Variants in RAB11FIP2 observed in about 807,000 individuals in gnomAD.
RAB11FIP2 encodes the protein RAB11 family interacting protein 2.
RAB11FIP2 carries 16 observed loss-of-function variants against 40.9 expected under a neutral mutation model. That is an observed-to-expected ratio of 0.39 (90% CI 0.26 to 0.59). The LOEUF (loss-of-function observed/expected upper bound fraction) is 0.59, where lower values mean the gene tolerates loss of function less well. RAB11FIP2 is among the 20% of genes least tolerant of loss of function. The probability of loss-of-function intolerance (pLI) is 0.53; values close to 1 mark genes in which losing one functional copy is unlikely to be tolerated. For missense variants in RAB11FIP2, 532 were observed against 606.2 expected, an observed-to-expected ratio of 0.88 and a Z score of 1.28; for synonymous variants, 228 against 213.7, an observed-to-expected ratio of 1.07 and a Z score of -0.58.
intron 3 of RAB11FIP2, among the ~76,000 whole-genome samples, chr10:118,026,511 G>C (rs1846346009): frequency 6.6e-6 from 1 of 152,190 alleles, no homozygotes; most frequent in African/African-American, 2.4e-5. Context: ...AGAGACACCA[G>C]TGCCTGTGTG....
intron 4 of RAB11FIP2, among the ~76,000 whole-genome samples, chr10:118,011,449 T>C (rs1365867105): frequency 6.6e-6 from 1 of 151,956 alleles, no homozygotes; most frequent in Non-Finnish European, 1.5e-5. Flanking sequence ...TCATAATATA[T>C]AGTTTGGAGA....
At chr10:118,035,198 C>G (rs1330321946) in intron 3 of RAB11FIP2, among the ~76,000 whole-genome samples, 1 of 152,098 alleles carries the variant, frequency 6.6e-6, no homozygotes, top group East Asian at 1.9e-4. Flanking sequence ...GCAAAGCACT[C>G]ACTTTTCCTA....
In RAB11FIP2 at chr10:118,039,378, C is replaced by T; in HGVS notation, c.859G>A (p.Asp287Asn). 1 of 1,613,482 alleles carries T rather than the reference C, an allele frequency of 6.2e-7. No individual in the cohort carries two copies. Among genetic ancestry groups the T allele is most frequent in the Non-Finnish European group, 8.5e-7 (1 of 1,179,588 alleles). ...SFDTSKMNQP[D>N]SIVDEGELCF... ...AATTCACCTTCATCCACAATGCTGT[C>T]AGGTTGGTTCATTTTAGAAGTATCA... Residue 287 changes from aspartate (D) to asparagine (N), a missense_variant, in exon 3 of 5, where the codon GAC becomes AAC. Transcript: ENST00000355624.
intron 4 of RAB11FIP2, among the ~76,000 whole-genome samples, chr10:118,012,637 T>C (rs1286630260): frequency 6.6e-6 from 1 of 151,942 alleles, no homozygotes; most frequent in Non-Finnish European, 1.5e-5. Flanking sequence ...ATTATTTTTT[T>C]AGAGAGGAAA....
At chr10:118,017,099 T>C (rs1257239448) in intron 3 of RAB11FIP2, among the ~76,000 whole-genome samples, 2 of 152,186 alleles carry the variant, frequency 1.3e-5, no homozygotes, top group South Asian at 4.2e-4. Flanking sequence ...ATTTTAAAGG[T>C]AAGGAAACAA....
intron 3 of RAB11FIP2, among the ~76,000 whole-genome samples, chr10:118,037,650 T>C (rs1349568343): frequency 6.6e-6 from 1 of 152,104 alleles, no homozygotes; most frequent in African/African-American, 2.4e-5. Flanking sequence ...GTTTCAAAGA[T>C]GGAGATACTG....
At chr10:118,042,719 T>C (rs1846576807) in intron 1 of RAB11FIP2, among the ~76,000 whole-genome samples, 1 of 152,172 alleles carries the variant, frequency 6.6e-6, no homozygotes, top group South Asian at 2.1e-4. Context: ...TGTGTATGTG[T>C]TTACATTGTC....
At chr10:118,011,169 G>A (rs948881422) in intron 4 of RAB11FIP2, among the ~76,000 whole-genome samples, 4 of 152,194 alleles carry the variant, frequency 2.6e-5, no homozygotes, top group African/African-American at 9.6e-5. Context: ...GGATATTAAA[G>A]GGAAGTGAGT....
intron 3 of RAB11FIP2, among the ~76,000 whole-genome samples, chr10:118,025,052 G>A (rs549784746): frequency 1.3e-5 from 2 of 152,210 alleles, no homozygotes; most frequent in East Asian, 3.9e-4. Context: ...CATGACTGGG[G>A]GATTTTCACC....
intron 3 of RAB11FIP2, among the ~76,000 whole-genome samples, chr10:118,030,384 T>C (rs1846398205): frequency 6.6e-6 from 1 of 152,162 alleles, no homozygotes; most frequent in South Asian, 2.1e-4. Flanking sequence ...ACTTGTTCTC[T>C]TTAAGTATTG....
chr10:118,039,491 C>T, intron 2 of RAB11FIP2, 51 bp from the exon 3 acceptor site: 1 of 1,436,700 alleles, frequency 7.0e-7, no homozygotes, highest in Non-Finnish European at 9.6e-7. Flanking sequence ...TTACATCACA[C>T]TATTTGACAC....
At chr10:118,024,144 C>T (rs891279585) in intron 3 of RAB11FIP2, among the ~76,000 whole-genome samples, 1 of 148,192 alleles carries the variant, frequency 6.7e-6, no homozygotes, top group Non-Finnish European at 1.5e-5. Flanking sequence ...GACAGTCAAA[C>T]AACCCACAAA....
intron 3 of RAB11FIP2, among the ~76,000 whole-genome samples, chr10:118,016,007 A>T (rs985335817): frequency 6.6e-6 from 1 of 152,234 alleles, no homozygotes; most frequent in South Asian, 2.1e-4. Context: ...TCCTTTGAAG[A>T]TTTAAGAAAT....
intron 3 of RAB11FIP2, among the ~76,000 whole-genome samples, chr10:118,024,844 G>A (rs1846324570): frequency 6.6e-6 from 1 of 152,130 alleles, no homozygotes; most frequent in Admixed American, 6.6e-5. Flanking sequence ...GGTGTCCTCT[G>A]GTTACCAGGA....
At chr10:118,009,885 T>C (rs1205287154) in intron 4 of RAB11FIP2, among the ~76,000 whole-genome samples, 1 of 152,128 alleles carries the variant, frequency 6.6e-6, no homozygotes, top group Non-Finnish European at 1.5e-5. Context: ...CTTTCCCTTT[T>C]TGACCCTGGT....
chr10:118,036,519 T>G (rs551512711), intron 3 of RAB11FIP2, among the ~76,000 whole-genome samples: 3 of 152,262 alleles, frequency 2.0e-5, no homozygotes, highest in Non-Finnish European at 4.4e-5. Context: ...CAAATTCCAC[T>G]CAAGATAAAG....
rs1846105566 is a variant in RAB11FIP2, at chr10:118,007,414, C to A, written c.*1584G>T. ...TTTAGTTTACAAATACGAGCTTGGC[C>A]AAGTATTCTCTGATTCAAAATACTA... is the stretch of plus-strand genomic sequence containing the variant. On this transcript the variant is annotated 3_prime_UTR_variant, in exon 5 of 5. Coordinates refer to ENST00000355624, the MANE Select transcript of RAB11FIP2 (RefSeq NM_014904.3). 6.7e-6 allele frequency: 1 copy of A among 149,460 alleles called. No individual in the cohort carries two copies. The highest frequency in any genetic ancestry group is 1.5e-5 in the Non-Finnish European group (1 of 67,396). The allele number at this position is 149,460 out of a possible 1,614,324, so 9.3% of individuals were successfully genotyped here. A position where few individuals can be genotyped will look rare whatever the true frequency, so the allele number is the denominator to read the frequency against.
chr10:118,016,204 A>G (rs570277740), intron 3 of RAB11FIP2, among the ~76,000 whole-genome samples: 14 of 152,218 alleles, frequency 9.2e-5, no homozygotes, highest in Non-Finnish European at 1.5e-4. Flanking sequence ...TTGAAGTACT[A>G]GCTTCCAGAA....
chr10:118,006,457 A>C lies in RAB11FIP2; in HGVS notation c.*2541T>G, dbSNP rs1846091292. 1 of 152,208 alleles carries C rather than the reference A, an allele frequency of 6.6e-6. No homozygotes were observed. The highest frequency in any genetic ancestry group is 2.1e-4 in the South Asian group (1 of 4,830). The allele number at this position is 152,208 out of a possible 1,614,324, so 9.4% of individuals were successfully genotyped here. A position where few individuals can be genotyped will look rare whatever the true frequency, so the allele number is the denominator to read the frequency against. On this transcript the variant is annotated 3_prime_UTR_variant, in exon 5 of 5. Transcript: ENST00000355624. ...CACATATATTTTATTTCCATTTCTA[A>C]GCAACTAACAAAATACATTAGAATA...
Sources: allele counts gnomAD v4.1 joint callset (sites outside exome capture counted in the v4.1 genomes callset), GRCh38; gene constraint gnomAD v4.1.1; transcripts MANE v1.5; gene names NCBI Gene and HGNC (gene_info 2026-07-23, HGNC 2026-07-21).